Variants in CDH18 observed in about 807,000 individuals in gnomAD.
CDH18 encodes cadherin 18, also known as cadherin-18.
Under a neutral mutation model 67.9 loss-of-function variants are expected in CDH18, and 31 were observed. That is an observed-to-expected ratio of 0.46 (90% CI 0.34 to 0.62). The LOEUF (loss-of-function observed/expected upper bound fraction) is 0.62. Ranked by LOEUF, CDH18 falls within the 20% of genes least tolerant of loss-of-function variation. The pLI is 0.01. For synonymous variants in CDH18, 362 were observed against 347.2 expected (o/e 1.04, Z -0.48); for missense variants, 890 against 975.5 (o/e 0.91, Z 1.17).
intron 7 of CDH18, among the ~76,000 whole-genome samples, chr5:19,580,263 A>G (rs1054104092): frequency 6.6e-6 from 1 of 151,850 alleles, no homozygotes; most frequent in African/African-American, 2.4e-5. Flanking sequence ...ATAATTTCCC[A>G]TGCAAATATT....
intron 4 of CDH18, among the ~76,000 whole-genome samples, chr5:19,738,567 C>T (rs941708587): frequency 1.3e-5 from 2 of 152,034 alleles, no homozygotes; most frequent in African/African-American, 4.8e-5. Context: ...CATGATGTAC[C>T]AATTAAATCT....
chr5:20,345,262 G>A (rs1430939275), intron 1 of CDH18, among the ~76,000 whole-genome samples: 1 of 104,874 alleles, frequency 9.5e-6, no homozygotes, highest in Admixed American at 1.2e-4. Flanking sequence ...GTATATTGGG[G>A]TATATTGGGG....
chr5:20,013,238 C>A (rs1034693972), intron 2 of CDH18, among the ~76,000 whole-genome samples: 1 of 152,012 alleles, frequency 6.6e-6, no homozygotes, highest in East Asian at 1.9e-4. Context: ...TAGGGAAATT[C>A]TTTGACATTC....
chr5:20,135,495 G>C (rs1018001478), intron 2 of CDH18, among the ~76,000 whole-genome samples: 7 of 151,660 alleles, frequency 4.6e-5, no homozygotes, highest in Non-Finnish European at 8.8e-5. Flanking sequence ...TTCTTTATTA[G>C]TCTTACTAGT....
chr5:20,230,215 G>A (rs1013354962), intron 2 of CDH18, among the ~76,000 whole-genome samples: 8 of 152,180 alleles, frequency 5.3e-5, no homozygotes, highest in South Asian at 2.1e-4. Flanking sequence ...GTGTATCAAT[G>A]TGTAATGCTG....
At chr5:19,788,562 T>C (rs1308361991) in intron 3 of CDH18, among the ~76,000 whole-genome samples, 1 of 152,184 alleles carries the variant, frequency 6.6e-6, no homozygotes, top group East Asian at 1.9e-4. Flanking sequence ...TTAGCATGTC[T>C]GCCTATGAGA....
intron 2 of CDH18, among the ~76,000 whole-genome samples, chr5:20,012,690 T>C (rs1344769768): frequency 6.6e-6 from 1 of 152,050 alleles, no homozygotes; most frequent in East Asian, 1.9e-4. Context: ...GAAGAAAATG[T>C]GGTACATATA....
chr5:19,660,273 T>C lies in CDH18; in HGVS notation c.644-47672A>G, dbSNP rs192057610. 2.9e-3 allele frequency among the ~76,000 whole-genome samples: 440 copies of C among 152,214 alleles called. 1 individual carries two copies. The highest frequency in any genetic ancestry group is 0.017 in the Middle Eastern group (5 of 294). On this transcript the variant is annotated intron_variant, in intron 5 of 12. Coordinates refer to ENST00000382275, the MANE Select transcript of CDH18 (RefSeq NM_004934.5). ...ATACGTGAACGTTCAACTCTTTCAG[T>C]TTCTATAAGTAGTTTTAAAATGTAA...
At chr5:20,168,516 G>A (rs1736465931) in intron 2 of CDH18, among the ~76,000 whole-genome samples, 1 of 151,962 alleles carries the variant, frequency 6.6e-6, no homozygotes, top group African/African-American at 2.4e-5. Context: ...TTGGTGAGAG[G>A]CAGATATCAC....
intron 1 of CDH18, among the ~76,000 whole-genome samples, chr5:20,348,902 T>A (rs1202248656): frequency 6.6e-6 from 1 of 152,200 alleles, no homozygotes; most frequent in Admixed American, 6.6e-5. Flanking sequence ...ACATTTACTT[T>A]TTTTGATATA....
At chr5:20,440,287 C>G (rs1188403067) in intron 1 of CDH18, among the ~76,000 whole-genome samples, 1 of 151,786 alleles carries the variant, frequency 6.6e-6, no homozygotes, top group Non-Finnish European at 1.5e-5. Context: ...TTGTTATAAT[C>G]TTTAATAAAG....
At chr5:19,638,977 G>GTTTTTTTTTTTTGT (rs1753590190) in intron 5 of CDH18, among the ~76,000 whole-genome samples, 1 of 54,686 alleles carries the variant, frequency 1.8e-5, no homozygotes, top group African/African-American at 5.2e-5. Context: ...TTTTGTTGCT[G>GTTTTTTTTTTTTGT]TTTTTTTTTT....
In CDH18 at chr5:19,881,506, CTT is replaced by C. The variant is rs559703821; in HGVS notation, c.-256-42266_-256-42265del. Among the ~76,000 whole-genome samples, 612 of 121,882 alleles carry C rather than the reference CTT, an allele frequency of 5.0e-3. 3 individuals carry two copies. Among genetic ancestry groups the C allele is most frequent in the African/African-American group, 0.013 (434 of 33,522 alleles). The allele number at this position is 121,882 out of a possible 152,430, so 80.0% of individuals were successfully genotyped here. A position where few individuals can be genotyped will look rare whatever the true frequency, so the allele number is the denominator to read the frequency against. ...TGACAAATACCCAGCTCTTCAAGTG[CTT>C]TTTTTTTTTTTTTTTTTAAGATGGA... On this transcript the variant is annotated intron_variant, in intron 2 of 12. Coordinates refer to ENST00000382275, the MANE Select transcript of CDH18 (RefSeq NM_004934.5).
chr5:20,457,687 A>G (rs779849769), intron 1 of CDH18, among the ~76,000 whole-genome samples: 4 of 152,192 alleles, frequency 2.6e-5, no homozygotes, highest in African/African-American at 4.8e-5. Context: ...AAGGTCTCCC[A>G]GTCTAAAAGT....
At position 19,472,779 on chromosome 5, in the gene CDH18, G is replaced by T. The variant is rs1737761058; in HGVS notation, c.*447C>A. On this transcript the variant is annotated 3_prime_UTR_variant, in exon 13 of 13. Transcript: ENST00000382275. ...AGTGTGGTTCTCAAGGTTTCACCCA[G>T]AAAAGTGATAAAAGAGGTTGTGATT... Among the ~76,000 whole-genome samples the T allele has an allele frequency of 6.6e-6, 1 of 152,030 alleles. No individual in the cohort carries two copies. The highest frequency in any genetic ancestry group is 2.1e-4 in the South Asian group (1 of 4,826).
intron 4 of CDH18, among the ~76,000 whole-genome samples, chr5:19,741,248 T>TATATACAC (rs1769127786): frequency 1.2e-5 from 1 of 86,668 alleles, no homozygotes; most frequent in Non-Finnish European, 3.3e-5. Context: ...CATATATGTA[T>TATATACAC]GTATATATGT....
chr5:20,224,142 T>G (rs144221157), intron 2 of CDH18, among the ~76,000 whole-genome samples: 1,688 of 152,268 alleles, frequency 0.011, 31 homozygotes, highest in African/African-American at 0.038. Flanking sequence ...CCCTTATGAC[T>G]TTCAGATTCT....
chr5:20,053,762 C>G (rs1164826334), intron 2 of CDH18, among the ~76,000 whole-genome samples: 1 of 152,120 alleles, frequency 6.6e-6, no homozygotes, highest in East Asian at 1.9e-4. Context: ...TCACTTTCAT[C>G]TCCTCTCCAC....
intron 1 of CDH18, among the ~76,000 whole-genome samples, chr5:20,459,375 C>A (rs1751084163): frequency 6.6e-6 from 1 of 152,152 alleles, no homozygotes. Flanking sequence ...TTCCCAAAGC[C>A]ATATTACAGG....
Sources: allele counts gnomAD v4.1 joint callset (sites outside exome capture counted in the v4.1 genomes callset), GRCh38; gene constraint gnomAD v4.1.1; transcripts MANE v1.5; gene names NCBI Gene and HGNC (gene_info 2026-07-23, HGNC 2026-07-21).